The following NRG3 variants were observed in gnomAD, a reference collection of about 807,000 sequenced individuals.
The protein encoded by NRG3 is neuregulin 3.
A neutral mutation model predicts 66.9 loss-of-function variants in NRG3; 31 were observed. The ratio of observed to expected loss-of-function variants is 0.46; its 90% CI spans 0.35 to 0.63. NRG3 has a LOEUF of 0.63. Ranked by LOEUF, NRG3 falls within the 20% of genes least tolerant of loss-of-function variation. NRG3 has a pLI of 0.00. For synonymous variants in NRG3, 393 were observed against 359.4 expected (o/e 1.09, Z -1.06); for missense variants, 910 against 878.9 (o/e 1.04, Z -0.45).
chr10:82,863,951 T>A (rs2064280790), intron 3 of NRG3, among the ~76,000 whole-genome samples: 1 of 152,160 alleles, frequency 6.6e-6, no homozygotes, highest in Non-Finnish European at 1.5e-5. Flanking sequence ...GAGTAAGCAG[T>A]CAAGAAATGC....
At chr10:82,323,444 C>A (rs1211064530) in intron 1 of NRG3, among the ~76,000 whole-genome samples, 1 of 149,798 alleles carries the variant, frequency 6.7e-6, no homozygotes, top group Non-Finnish European at 1.5e-5. Context: ...CATGTAAAAT[C>A]TTCACATACG....
intron 2 of NRG3, among the ~76,000 whole-genome samples, chr10:82,671,996 G>T (rs912573240): frequency 6.6e-6 from 1 of 152,012 alleles, no homozygotes; most frequent in Non-Finnish European, 1.5e-5. Context: ...CCCAAGTTTC[G>T]GGCCTGAACT....
At chr10:81,888,814 T>G (rs1842805471) in intron 1 of NRG3, among the ~76,000 whole-genome samples, 1 of 152,156 alleles carries the variant, frequency 6.6e-6, no homozygotes, top group Admixed American at 6.5e-5. Context: ...AAGGAAGTGA[T>G]ACAATATCTG....
chr10:82,928,703 C>G (rs1847259393), intron 4 of NRG3, among the ~76,000 whole-genome samples: 1 of 151,244 alleles, frequency 6.6e-6, no homozygotes, highest in Non-Finnish European at 1.5e-5. Context: ...TATTGTAGTA[C>G]AAAAGCAACC....
chr10:82,841,194 G>A (rs1248317977), intron 3 of NRG3, among the ~76,000 whole-genome samples: 2 of 152,132 alleles, frequency 1.3e-5, no homozygotes, highest in Non-Finnish European at 2.9e-5. Flanking sequence ...AGGCAAGGAA[G>A]GATTCTTTCC....
At chr10:81,940,584 C>G (rs1035838705) in intron 1 of NRG3, among the ~76,000 whole-genome samples, 1 of 151,950 alleles carries the variant, frequency 6.6e-6, no homozygotes, top group Non-Finnish European at 1.5e-5. Context: ...TAGTCTTGAA[C>G]TCCTAGCCTC....
intron 1 of NRG3, among the ~76,000 whole-genome samples, chr10:82,273,199 C>A (rs1198613233): frequency 6.6e-6 from 1 of 151,914 alleles, no homozygotes; most frequent in Non-Finnish European, 1.5e-5. Context: ...ATTGGCATGC[C>A]TTTATGTTGA....
At chr10:82,718,745 A>G (rs551674136) in intron 2 of NRG3, among the ~76,000 whole-genome samples, 1 of 152,342 alleles carries the variant, frequency 6.6e-6, no homozygotes, top group Non-Finnish European at 1.5e-5. Flanking sequence ...TTTCTACATA[A>G]AATGATGTAG....
chr10:82,827,946 T>A (rs1323588616), intron 3 of NRG3, among the ~76,000 whole-genome samples: 4 of 152,330 alleles, frequency 2.6e-5, no homozygotes, highest in African/African-American at 9.6e-5. Flanking sequence ...GAACTTTTTT[T>A]AATTCTTTGC....
In NRG3 at chr10:82,228,531, A is replaced by AT. The variant is rs143167509; in HGVS notation, c.824-130198dup. Among the ~76,000 whole-genome samples the AT allele has an allele frequency of 7.4e-3, 1,096 of 148,668 alleles. 9 individuals are homozygous for AT. Among genetic ancestry groups the AT allele is most frequent in the South Asian group, 0.017 (78 of 4,674 alleles). On this transcript the variant is annotated intron_variant, in intron 1 of 8. Transcript: ENST00000372141. ...AACATAACTTCCCAGGACTTTTTTC[A>AT]TTTTTTTTTTATTGGGGATAGTATT...
chr10:81,935,568 G>GAAC (rs560321910), intron 1 of NRG3, among the ~76,000 whole-genome samples: 72 of 151,902 alleles, frequency 4.7e-4, no homozygotes, highest in African/African-American at 1.1e-3. Flanking sequence ...CTATTTCAGG[G>GAAC]AACAACAACA....
At chr10:82,758,097 A>G (rs777453228) in intron 3 of NRG3, among the ~76,000 whole-genome samples, 2 of 152,188 alleles carry the variant, frequency 1.3e-5, no homozygotes, top group Middle Eastern at 3.4e-3. Flanking sequence ...GCTTTGATTT[A>G]CTACAGTTGA....
intron 4 of NRG3, among the ~76,000 whole-genome samples, chr10:82,875,535 T>A (rs1841738199): frequency 6.6e-6 from 1 of 152,140 alleles, no homozygotes; most frequent in South Asian, 2.1e-4. Context: ...TTTTTTATTT[T>A]TTTGTAGAGA....
intron 1 of NRG3, among the ~76,000 whole-genome samples, chr10:82,289,958 G>A (rs549995089): frequency 4.6e-5 from 7 of 152,234 alleles, no homozygotes; most frequent in African/African-American, 1.4e-4. Flanking sequence ...TATGTCTTCC[G>A]AATTTTGACT....
intron 2 of NRG3, among the ~76,000 whole-genome samples, chr10:82,592,062 T>C (rs1590797081): frequency 6.6e-6 from 1 of 152,368 alleles, no homozygotes; most frequent in Middle Eastern, 3.4e-3. Flanking sequence ...TTTCCTTTTA[T>C]GCTTAGGTTT....
chr10:82,410,896 CAT>C (rs2088025795), intron 2 of NRG3, among the ~76,000 whole-genome samples: 1 of 152,030 alleles, frequency 6.6e-6, no homozygotes, highest in South Asian at 2.1e-4. Flanking sequence ...GATGTTGTAT[CAT>C]AAAATTCACT....
intron 3 of NRG3, among the ~76,000 whole-genome samples, chr10:82,745,198 A>T (rs1326244856): frequency 1.3e-5 from 2 of 152,228 alleles, no homozygotes; most frequent in Non-Finnish European, 2.9e-5. Flanking sequence ...AGCTATTCAC[A>T]CAGGATGTGT....
chr10:82,279,345 T>C (rs1347397170), intron 1 of NRG3, among the ~76,000 whole-genome samples: 4 of 152,292 alleles, frequency 2.6e-5, no homozygotes, highest in African/African-American at 9.6e-5. Context: ...CTGGCACTAC[T>C]GCTGACTTGT....
At chr10:81,892,176 G>A (rs1023181831) in intron 1 of NRG3, among the ~76,000 whole-genome samples, 1 of 152,038 alleles carries the variant, frequency 6.6e-6, no homozygotes, top group African/African-American at 2.4e-5. Context: ...TGTAGAGCTT[G>A]GTAGCCAGCT....
Sources: allele counts gnomAD v4.1 joint callset (sites outside exome capture counted in the v4.1 genomes callset), GRCh38; gene constraint gnomAD v4.1.1; transcripts MANE v1.5; gene names NCBI Gene and HGNC (gene_info 2026-07-23, HGNC 2026-07-21).